The following ALG2 variants were observed in gnomAD, a reference collection of about 807,000 sequenced individuals.
ALG2 encodes the protein ALG2 alpha-1,3/1,6-mannosyltransferase, also known as alpha-1,3/1,6-mannosyltransferase ALG2.
Under a neutral mutation model 30.5 loss-of-function variants are expected in ALG2, and 32 were observed. The ratio of observed to expected loss-of-function variants is 1.05; its 90% CI spans 0.79 to 1.41. The LOEUF is 1.41. Ranked by LOEUF, ALG2 falls within the 40% of genes most tolerant of loss-of-function variation. The pLI is 0.00. For synonymous variants in ALG2, 253 were observed against 224.8 expected (o/e 1.13, Z -1.12); for missense variants, 574 against 526.4 (o/e 1.09, Z -0.88).
rs201271253 is a variant in ALG2, at chr9:99,218,586, T to G, written c.599A>C (p.Tyr200Ser). ...SLSHIDPDVLYPSLNVTSFDS... is the reference protein window; with the variant it reads ...SLSHIDPDVLSPSLNVTSFDS... The stretch of plus-strand genomic sequence containing the variant: ...AAAGCTGGTGACATTTAGAGATGGA[T>G]AGAGGACATCAGGGTCTATGTGAGA... The change falls in exon 2 of 2, where the codon TAT becomes TCT. Residue 200 changes from tyrosine to serine, a missense_variant. By Grantham distance (144) the Tyr-to-Ser change is moderately radical. Transcript: ENST00000476832. 1 of 1,614,236 alleles carries G rather than the reference T, an allele frequency of 6.2e-7. No homozygotes were observed. Among genetic ancestry groups the G allele is most frequent in the Non-Finnish European group, 8.5e-7 (1 of 1,180,042 alleles).
At chr9:99,221,230 C>G in intron 1 of ALG2, 2 of 1,247,702 alleles carry the variant, frequency 1.6e-6, no homozygotes, top group Non-Finnish European at 2.1e-6. Context: ...ACTTCTAATA[C>G]CAGCGTTTCT....
chr9:99,217,185 G>T lies in ALG2; in HGVS notation c.*749C>A, dbSNP rs1472299413. The T allele has an allele frequency of 2.2e-6, 1 of 453,956 alleles. No homozygotes were observed. The highest frequency in any genetic ancestry group is 2.3e-5 in the Admixed American group (1 of 42,560). 28.1% of individuals were successfully genotyped at this position (453,956 alleles called of 1,614,324 possible). On this transcript the variant is annotated 3_prime_UTR_variant, in exon 2 of 2. Coordinates refer to ENST00000476832, the MANE Select transcript of ALG2 (RefSeq NM_033087.4). ...CAACACAAATATTAACAAAACTAAT[G>T]ACCTAGATGACATTAAGAAATATAC...
chr9:99,220,874 G>T, intron 1 of ALG2: 1 of 1,177,332 alleles, frequency 8.5e-7, no homozygotes, highest in Non-Finnish European at 1.1e-6. Context: ...ATTTTTAATC[G>T]AGTAAATGTT....
Position 99,217,154 on chromosome 9 carries a change from TC to T in ALG2, c.*779del, listed in dbSNP as rs553681853. 5 of 454,050 alleles carry T rather than the reference TC, an allele frequency of 1.1e-5. No homozygotes were observed. The highest frequency in any genetic ancestry group is 7.8e-5 in the South Asian group (5 of 64,476). The allele number at this position is 454,050 out of a possible 1,614,324, so 28.1% of individuals were successfully genotyped here. A position where few individuals can be genotyped will look rare whatever the true frequency, so the allele number is the denominator to read the frequency against. The stretch of plus-strand genomic sequence containing the variant: ...TGTCCTATACTTAGTAGGAGCTTGG[TC>T]AAGACAACACAAATATTAACAAAAC... On this transcript the variant is annotated 3_prime_UTR_variant, in exon 2 of 2. Coordinates refer to ENST00000476832, the MANE Select transcript of ALG2 (RefSeq NM_033087.4).
chr9:99,218,607 T>A lies in ALG2; in HGVS notation c.578A>T (p.His193Leu). ...VFKETFKSLS[H>L]IDPDVLYPSL... ...TGGATAGAGGACATCAGGGTCTATG[T>A]GAGACAGGGACTTGAATGTTTCCTT... Residue 193 changes from histidine to leucine, a missense_variant, in exon 2 of 2, where the codon CAC (histidine) becomes CTC (leucine). By Grantham distance (99) the His-to-Leu change is moderately conservative. Coordinates refer to ENST00000476832, the MANE Select transcript of ALG2 (RefSeq NM_033087.4). 6.2e-7 allele frequency: 1 copy of A among 1,614,194 alleles called. No individual in the cohort carries two copies. Among genetic ancestry groups the A allele is most frequent in the African/African-American group, 1.3e-5 (1 of 75,064 alleles).
Position 99,221,865 on chromosome 9 carries a change from G to C in ALG2, c.30C>G (p.Asp10Glu), listed in dbSNP as rs7023652. The C allele has an allele frequency of 3.7e-3, 5,957 of 1,591,628 alleles. 115 individuals are homozygous for C. The African/African-American group carries it at 0.049, about 13-fold the overall frequency. ...ACAGCACCGACGGCTTGGGAACCGA[G>C]TCCCGTTCCCGGCCCTGCTCCTCCG... MAEEQGRER[D>E]SVPKPSVLFL... The change falls in exon 1 of 2, where the codon GAC (aspartate) becomes GAG (glutamate). Residue 10 changes from aspartate (D) to glutamate (E), a missense_variant. By Grantham distance (45) the Asp-to-Glu change is conservative. Transcript: ENST00000476832.
In ALG2 at chr9:99,218,402, C is replaced by A; in HGVS notation, c.783G>T (p.Arg261Ser). 2 of 1,614,202 alleles carry A rather than the reference C, an allele frequency of 1.2e-6. No individual in the cohort carries two copies. Among genetic ancestry groups the A allele is most frequent in the Non-Finnish European group, 8.5e-7 (1 of 1,180,032 alleles). Reference protein sequence around the residue: ...RGRLTSQDWERVHLIVAGGYD... With the variant: ...RGRLTSQDWESVHLIVAGGYD... ...AACCACCTGCCACGATCAGATGAAC[C>A]CTCTCCCAATCTTGGGATGTCAATC... The change falls in exon 2 of 2, where the codon AGG becomes AGT. Residue 261 changes from arginine (R) to serine (S), a missense_variant. Arg to Ser is a moderately radical substitution (Grantham distance 110). Coordinates refer to ENST00000476832, the MANE Select transcript of ALG2 (RefSeq NM_033087.4).
chr9:99,220,875 A>C, intron 1 of ALG2: 1 of 1,193,358 alleles, frequency 8.4e-7, no homozygotes, highest in Non-Finnish European at 1.1e-6. Flanking sequence ...TTTTTAATCG[A>C]GTAAATGTTA....
In ALG2 at chr9:99,217,362, T is replaced by G. The variant is rs1588618227; in HGVS notation, c.*572A>C. On this transcript the variant is annotated 3_prime_UTR_variant, in exon 2 of 2. Transcript: ENST00000476832. ...ATGGAGACCAAAATCTAATACTGTT[T>G]CTTTTTTATGATAAACACCTTTTAT... is the stretch of plus-strand genomic sequence containing the variant. 2 of 453,952 alleles carry G rather than the reference T, an allele frequency of 4.4e-6. No individual in the cohort carries two copies. Among genetic ancestry groups the G allele is most frequent in the East Asian group, 6.9e-5 (1 of 14,414 alleles). 28.1% of individuals were successfully genotyped at this position (453,952 alleles called of 1,614,324 possible). A position where few individuals can be genotyped will look rare whatever the true frequency, so the allele number is the denominator to read the frequency against.
At position 99,218,806 on chromosome 9, in the gene ALG2, C is replaced by T; in HGVS notation, c.379G>A (p.Ala127Thr). 1 of 1,607,158 alleles carries T rather than the reference C, an allele frequency of 6.2e-7. No homozygotes were observed. Among genetic ancestry groups the T allele is most frequent in the South Asian group, 1.1e-5 (1 of 91,082 alleles). ...AATAGGATCTTCTTCCGCCGTCTAG[C>T]CAGCCTGAACACTGGGATACAGGCA... Reference protein sequence around the residue: ...VSACIPVFRLARRRKKILFYC... With the variant: ...VSACIPVFRLTRRRKKILFYC... The change falls in exon 2 of 2, where the codon GCT (alanine) becomes ACT (threonine). Residue 127 changes from alanine (A) to threonine (T), a missense_variant. Transcript: ENST00000476832.
rs113419778 is a variant in ALG2 at position 99,217,447 on chromosome 9, T to G, written c.*487A>C. 14 of 454,402 alleles carry G rather than the reference T, an allele frequency of 3.1e-5. No individual in the cohort carries two copies. Among genetic ancestry groups the G allele is most frequent in the African/African-American group, 2.4e-4 (12 of 50,132 alleles). The allele number at this position is 454,402 out of a possible 1,614,324, so 28.1% of individuals were successfully genotyped here. ...AAAAAAATACAGAGCACTCTCGCTATGGATCCAGGCAAAGACAGGACAAAC... is the reference window on the plus strand; with the variant it reads ...AAAAAAATACAGAGCACTCTCGCTAGGGATCCAGGCAAAGACAGGACAAAC... On this transcript the variant is annotated 3_prime_UTR_variant, in exon 2 of 2. Transcript: ENST00000476832.
In ALG2 at chr9:99,216,781, G is replaced by A. The variant is rs1828699068; in HGVS notation, c.*1153C>T. On this transcript the variant is annotated 3_prime_UTR_variant, in exon 2 of 2. Transcript: ENST00000476832. ...ACAATTATCTCACTTTGCAGATGAA[G>A]AAGCTGAGGTATAGAGATCAATTTA... 2.2e-6 allele frequency: 1 copy of A among 453,906 alleles called. No homozygotes were observed. The highest frequency in any genetic ancestry group is 2.0e-5 in the African/African-American group (1 of 49,998). The allele number at this position is 453,906 out of a possible 1,614,324, so 28.1% of individuals were successfully genotyped here. A position where few individuals can be genotyped will look rare whatever the true frequency, so the allele number is the denominator to read the frequency against.
At position 99,221,716 on chromosome 9, in the gene ALG2, A is replaced by G. The variant is rs753517894; in HGVS notation, c.179T>C (p.Phe60Ser). 10 of 1,597,112 alleles carry G rather than the reference A, an allele frequency of 6.3e-6. No homozygotes were observed. The highest frequency in any genetic ancestry group is 2.7e-5 in the African/African-American group (2 of 74,792). The change falls in exon 1 of 2, where the codon TTC becomes TCC. Residue 60 changes from phenylalanine to serine, a missense_variant. Transcript: ENST00000476832. ...CACCGGTAGCTCGCGGCTCTCGGCG[A>G]AACAGTGGCCCGGGTCGTAGTGCGC... ...WTAHYDPGHCFAESRELPVRC... is the reference protein window; with the variant it reads ...WTAHYDPGHCSAESRELPVRC...
Position 99,218,796 on chromosome 9 carries a change from C to G in ALG2, c.389G>C (p.Arg130Pro), listed in dbSNP as rs143625172. 5 of 1,609,160 alleles carry G rather than the reference C, an allele frequency of 3.1e-6. No homozygotes were observed. The highest frequency in any genetic ancestry group is 4.2e-6 in the Non-Finnish European group (5 of 1,179,952). The change falls in exon 2 of 2, where the codon CGG (arginine) becomes CCG (proline). Residue 130 changes from arginine to proline, a missense_variant. Arg to Pro is a moderately radical substitution (Grantham distance 103). Coordinates refer to ENST00000476832, the MANE Select transcript of ALG2 (RefSeq NM_033087.4). Reference protein sequence around the residue: ...CIPVFRLARRRKKILFYCHFP... With the variant: ...CIPVFRLARRPKKILFYCHFP... ...GTGACAGTAAAATAGGATCTTCTTC[C>G]GCCGTCTAGCCAGCCTGAACACTGG...
rs1828818823 is a variant in ALG2, at chr9:99,221,939, C to G, written c.-45G>C. The G allele has an allele frequency of 6.6e-7, 1 of 1,523,910 alleles. No homozygotes were observed. The highest frequency in any genetic ancestry group is 1.9e-5 in the Admixed American group (1 of 51,658). 94.4% of individuals were successfully genotyped at this position (1,523,910 alleles called of 1,614,324 possible). On this transcript the variant is annotated 5_prime_UTR_variant, in exon 1 of 2. Coordinates refer to ENST00000476832, the MANE Select transcript of ALG2 (RefSeq NM_033087.4). ...CACCCCGCACCCTGATGGGGGTCTT[C>G]TGCGCAAGCTCCGCGCTCGTAGCTC...
rs1050763044 is a variant in ALG2, at chr9:99,221,638, G to GCGC, written c.254_256dup (p.Gly85dup). 6 of 1,539,916 alleles carry GCGC rather than the reference G, an allele frequency of 3.9e-6. No individual in the cohort carries two copies. In the African/African-American group the frequency reaches 8.2e-5, roughly 21 times the overall value. On this transcript the variant is annotated inframe_insertion, in exon 1 of 2. Coordinates refer to ENST00000476832, the MANE Select transcript of ALG2 (RefSeq NM_033087.4). ...CATGCGCACGTAGGCGCAGACGGCGGCGCCGCGGCCGCCCCAGCCCAGGCC... is the reference window on the plus strand; with the variant it reads ...CATGCGCACGTAGGCGCAGACGGCGGCGCCGCCGCGGCCGCCCCAGCCCAGGCC...
chr9:99,217,722 C>A lies in ALG2; in HGVS notation c.*212G>T, dbSNP rs1005121928. On this transcript the variant is annotated 3_prime_UTR_variant, in exon 2 of 2. Transcript: ENST00000476832. ...CACCACATTTGTAACTTAACACTGGCAAAATTTGGAATGATTATAGCATAA... is the reference window on the plus strand; with the variant it reads ...CACCACATTTGTAACTTAACACTGGAAAAATTTGGAATGATTATAGCATAA... 1 of 683,758 alleles carries A rather than the reference C, an allele frequency of 1.5e-6. No homozygotes were observed. Among genetic ancestry groups the A allele is most frequent in the Non-Finnish European group, 2.6e-6 (1 of 378,546 alleles). The allele number at this position is 683,758 out of a possible 1,614,324, so 42.4% of individuals were successfully genotyped here. A position where few individuals can be genotyped will look rare whatever the true frequency, so the allele number is the denominator to read the frequency against.
intron 1 of ALG2, among the ~76,000 whole-genome samples, chr9:99,220,420 C>T (rs886260857): frequency 3.3e-5 from 5 of 152,136 alleles, no homozygotes; most frequent in African/African-American, 1.2e-4. Context: ...TGCCTGTAAT[C>T]CCAGCACTTT....
At position 99,218,439 on chromosome 9, in the gene ALG2, T is replaced by C. The variant is rs1828735792; in HGVS notation, c.746A>G (p.Gln249Arg). The C allele has an allele frequency of 6.2e-7, 1 of 1,614,270 alleles. No homozygotes were observed. Among genetic ancestry groups the C allele is most frequent in the East Asian group, 2.2e-5 (1 of 44,894 alleles). Reference protein sequence around the residue: ...NLTLALEALVQLRGRLTSQDW... With the variant: ...NLTLALEALVRLRGRLTSQDW... ...TTGGGATGTCAATCTTCCACGCAGCTGTACTAGGGCTTCCAGTGCCAAAGT... is the reference window on the plus strand; with the variant it reads ...TTGGGATGTCAATCTTCCACGCAGCCGTACTAGGGCTTCCAGTGCCAAAGT... Residue 249 changes from glutamine (Q) to arginine (R), a missense_variant, in exon 2 of 2, where the codon CAG becomes CGG. Transcript: ENST00000476832.
Sources: allele counts gnomAD v4.1 joint callset (sites outside exome capture counted in the v4.1 genomes callset), GRCh38; gene constraint gnomAD v4.1.1; transcripts MANE v1.5; gene names NCBI Gene and HGNC (gene_info 2026-07-23, HGNC 2026-07-21).